UST: variants seen among roughly 807,000 people sequenced by gnomAD.
UST encodes the protein uronyl 2-sulfotransferase, also known as chondroitin sulfate 2-O-sulfotransferase.
UST carries 21 observed loss-of-function variants against 45.6 expected under a neutral mutation model. That is an observed-to-expected ratio of 0.46 (90% CI 0.33 to 0.66). The LOEUF (loss-of-function observed/expected upper bound fraction) is 0.66, where lower values mean the gene tolerates loss of function less well. Ranked by LOEUF, UST falls within the 30% of genes least tolerant of loss-of-function variation. The pLI is 0.02. For synonymous variants in UST, 215 were observed against 200.6 expected (o/e 1.07, Z -0.61); for missense variants, 463 against 512.4 (o/e 0.90, Z 0.93).
At chr6:148,766,992 A>G (rs1031209968) in intron 1 of UST, among the ~76,000 whole-genome samples, 4 of 152,228 alleles carry the variant, frequency 2.6e-5, no homozygotes, top group Non-Finnish European at 5.9e-5. Context: ...TTTAATGTGC[A>G]TGCAAATCAC....
At chr6:148,901,088 T>G (rs1045396365) in intron 2 of UST, among the ~76,000 whole-genome samples, 1 of 152,334 alleles carries the variant, frequency 6.6e-6, no homozygotes, top group East Asian at 1.9e-4. Flanking sequence ...AAGTCCTTTT[T>G]GCCATGTAGG....
intron 5 of UST, among the ~76,000 whole-genome samples, chr6:148,982,137 C>T (rs904290985): frequency 4.0e-5 from 6 of 149,810 alleles, no homozygotes; most frequent in African/African-American, 1.2e-4. Flanking sequence ...CTTACACTGT[C>T]ACCCAGGCTA....
chr6:149,039,526 G>A (rs1205229152), intron 7 of UST, among the ~76,000 whole-genome samples: 3 of 152,194 alleles, frequency 2.0e-5, no homozygotes, highest in African/African-American at 7.2e-5. Flanking sequence ...AATAGTCACA[G>A]CGGCACGGCA....
At chr6:148,949,333 A>C (rs983581280) in intron 3 of UST, among the ~76,000 whole-genome samples, 25 of 137,172 alleles carry the variant, frequency 1.8e-4, no homozygotes, top group Non-Finnish European at 2.5e-4. Flanking sequence ...AATAATAATA[A>C]TACTTATCCG....
At chr6:148,960,506 G>T (rs1254255663) in intron 4 of UST, among the ~76,000 whole-genome samples, 1 of 152,230 alleles carries the variant, frequency 6.6e-6, no homozygotes, top group Non-Finnish European at 1.5e-5. Context: ...CAGGCCAGAG[G>T]CTAAAAAGGA....
At chr6:148,953,725 T>A in intron 3 of UST, 147 bp from the exon 4 acceptor site, 1 of 351,438 alleles carries the variant, frequency 2.8e-6, no homozygotes. Flanking sequence ...TGAACCGAGA[T>A]CGAGCTACTG....
intron 1 of UST, among the ~76,000 whole-genome samples, chr6:148,851,114 A>C (rs1175588913): frequency 6.6e-6 from 1 of 152,202 alleles, no homozygotes; most frequent in Non-Finnish European, 1.5e-5. Flanking sequence ...AGGCTCAGCC[A>C]GTCTTTGTGG....
intron 2 of UST, among the ~76,000 whole-genome samples, chr6:148,930,887 C>G (rs1779909042): frequency 6.6e-6 from 1 of 152,224 alleles, no homozygotes; most frequent in South Asian, 2.1e-4. Context: ...ACAATTCACA[C>G]TCAAGAAACT....
chr6:148,768,502 T>G (rs1423636505), intron 1 of UST, among the ~76,000 whole-genome samples: 2 of 152,208 alleles, frequency 1.3e-5, no homozygotes, highest in African/African-American at 2.4e-5. Flanking sequence ...TATTCTTTTC[T>G]TTGCTTTTAG....
Position 148,814,181 on chromosome 6 carries a change from T to A in UST, c.247+66504T>A, listed in dbSNP as rs75781726. Among the ~76,000 whole-genome samples, 91 of 152,282 alleles carry A rather than the reference T, an allele frequency of 6.0e-4. No individual in the cohort carries two copies. The East Asian group carries it at 0.016, about 27-fold the overall frequency. Reference sequence around the variant, plus strand: ...ACACTAATGACACAGTTTGCATTGATGATGAAGTCCCCAGAACAGAGGGCA... The same window carrying A: ...ACACTAATGACACAGTTTGCATTGAAGATGAAGTCCCCAGAACAGAGGGCA... On this transcript the variant is annotated intron_variant, in intron 1 of 7. Coordinates refer to ENST00000367463, the MANE Select transcript of UST (RefSeq NM_005715.3).
chr6:149,024,504 A>G (rs962468658), intron 7 of UST, among the ~76,000 whole-genome samples: 1 of 152,176 alleles, frequency 6.6e-6, no homozygotes, highest in Non-Finnish European at 1.5e-5. Flanking sequence ...CAGTTCCTCT[A>G]TCCCAACAAG....
chr6:148,872,754 A>T (rs142614657), intron 1 of UST, among the ~76,000 whole-genome samples: 21 of 152,280 alleles, frequency 1.4e-4, no homozygotes, highest in African/African-American at 5.1e-4. Context: ...TCCAGCTCCT[A>T]GAAGCTGTCT....
intron 7 of UST, chr6:149,027,843 CTTTT>C (rs35563578): frequency 9.9e-5 from 13 of 131,612 alleles, no homozygotes; most frequent in Non-Finnish European, 9.8e-5. Context: ...ATCCCCCCAT[CTTTT>C]TTTTTTTTTT....
In UST at chr6:148,919,444, G is replaced by GTGTGTA. The variant is rs4047184; in HGVS notation, c.292-21834_292-21833insGTGTAT. 4.2e-3 allele frequency among the ~76,000 whole-genome samples: 620 copies of GTGTGTA among 147,560 alleles called. 5 individuals carry two copies. The highest frequency in any genetic ancestry group is 0.014 in the African/African-American group (574 of 39,834). Reference sequence around the variant, plus strand: ...TGTGTGTGTGTGTGTGTGTGTGTGTGTACACTTCTGTTGGTAGGGGCTACA... The same window carrying GTGTGTA: ...TGTGTGTGTGTGTGTGTGTGTGTGTGTGTGTATACACTTCTGTTGGTAGGGGCTACA... On this transcript the variant is annotated intron_variant, in intron 2 of 7. Transcript: ENST00000367463.
chr6:148,754,667 C>T (rs1776061724), intron 1 of UST, among the ~76,000 whole-genome samples: 1 of 152,098 alleles, frequency 6.6e-6, no homozygotes, highest in Non-Finnish European at 1.5e-5. Context: ...ACAGTAGACC[C>T]TTTTCAGATA....
rs143660457 is a variant in UST at position 149,024,523 on chromosome 6, TC to T, written c.937+3046del. On this transcript the variant is annotated intron_variant, in intron 7 of 7. Transcript: ENST00000367463. ...TCCTCTATCCCAACAAGTTTCCGTG[TC>T]CCCTGAGGCAGAGGACAAGAGATCA... Among the ~76,000 whole-genome samples the T allele has an allele frequency of 1.4e-4, 21 of 152,138 alleles. No homozygotes were observed. The East Asian group carries it at 2.9e-3, about 21-fold the overall frequency.
chr6:149,042,972 TTTC>T (rs1293990704), intron 7 of UST, among the ~76,000 whole-genome samples: 2 of 107,330 alleles, frequency 1.9e-5, no homozygotes, highest in African/African-American at 9.7e-5. Flanking sequence ...TCTTTCTTTC[TTTC>T]TTTCTTTCTT....
At chr6:148,950,082 C>T (rs1485820326) in intron 3 of UST, among the ~76,000 whole-genome samples, 5 of 152,194 alleles carry the variant, frequency 3.3e-5, no homozygotes, top group African/African-American at 9.7e-5. Context: ...TTAACCCTCC[C>T]GGAACCTCCC....
chr6:148,942,236 T>A (rs565126673), intron 3 of UST, among the ~76,000 whole-genome samples: 14 of 152,152 alleles, frequency 9.2e-5, no homozygotes, highest in Non-Finnish European at 1.3e-4. Flanking sequence ...TACCTGCATG[T>A]TGGGAAGAAA....
Sources: gnomAD v4.1 joint callset for allele counts (sites outside exome capture counted in the v4.1 genomes callset) on GRCh38, gnomAD v4.1.1 for gene constraint, MANE v1.5 for transcripts, NCBI Gene and HGNC (gene_info 2026-07-23, HGNC 2026-07-21) for gene names.